WNT1: variants seen among roughly 807,000 people sequenced by gnomAD.
WNT1 encodes proto-oncogene Wnt-1.
Under a neutral mutation model 21.3 loss-of-function variants are expected in WNT1, and 10 were observed. The ratio of observed to expected loss-of-function variants is 0.47; its 90% CI spans 0.29 to 0.80. WNT1 has a LOEUF of 0.80. Among genes scored for constraint, WNT1 ranks in the 30% least tolerant of loss-of-function variants. WNT1 has a pLI of 0.09. For synonymous variants in WNT1, 208 were observed against 236.3 expected (o/e 0.88, Z 1.10); for missense variants, 476 against 534.1 (o/e 0.89, Z 1.07).
At position 48,978,692 on chromosome 12, in the gene WNT1, G is replaced by T; in HGVS notation, c.42G>T (p.Thr14=). The T allele has an allele frequency of 6.2e-7, 1 of 1,603,740 alleles. No individual in the cohort carries two copies. The highest frequency in any genetic ancestry group is 1.1e-5 in the South Asian group (1 of 90,340). Residue 14 remains threonine, a synonymous_variant, in exon 1 of 4, where the codon ACG becomes ACT. Transcript: ENST00000293549. This position sits in a 1 kb window ranked among gnomAD's most constrained non-coding sequence, Gnocchi z 7.4. The part of the protein sequence containing the change: ...WALLPGWVSA[T]LLLALAALPA... ...TGTTGCCTGGCTGGGTTTCTGCTAC[G>T]CTGCTGCTGGCGCTGGCCGCTCTGC... is the stretch of plus-strand genomic sequence containing the variant.
Position 48,979,817 on chromosome 12 carries a change from GCC to G in WNT1, c.358+97_358+98del. The G allele has an allele frequency of 7.0e-7, 1 of 1,433,390 alleles. No homozygotes were observed. Among genetic ancestry groups the G allele is most frequent in the South Asian group, 1.5e-5 (1 of 68,566 alleles). 88.8% of individuals were successfully genotyped at this position (1,433,390 alleles called of 1,614,324 possible). A position where few individuals can be genotyped will look rare whatever the true frequency, so the allele number is the denominator to read the frequency against. On this transcript the variant is annotated intron_variant, in intron 2 of 3. Coordinates refer to ENST00000293549, the MANE Select transcript of WNT1 (RefSeq NM_005430.4). This position sits in a 1 kb window ranked among gnomAD's most constrained non-coding sequence, Gnocchi z 6.0. ...CGAGTTCAGAGAAGGTGTCCCAGGC[GCC>G]TGGAGGGTCACACAATCAACCTTGC...
chr12:48,980,585 A>T lies in WNT1; in HGVS notation c.520A>T (p.Ile174Phe). ...GCACTGGGGGGGCTGCAGCGACAAC[A>T]TTGACTTCGGCCGCCTCTTCGGCCG... ...DWHWGGCSDN[I>F]DFGRLFGREF... The change falls in exon 3 of 4, where the codon ATT becomes TTT. Residue 174 changes from isoleucine (I) to phenylalanine (F), a missense_variant. Ile to Phe is a conservative substitution (Grantham distance 21, BLOSUM62 0). Coordinates refer to ENST00000293549, the MANE Select transcript of WNT1 (RefSeq NM_005430.4). This position sits in a 1 kb window ranked among gnomAD's most constrained non-coding sequence, Gnocchi z 7.0. 2 of 1,606,282 alleles carry T rather than the reference A, an allele frequency of 1.2e-6. No homozygotes were observed. Among genetic ancestry groups the T allele is most frequent in the Non-Finnish European group, 8.5e-7 (1 of 1,176,488 alleles).
In WNT1 at chr12:48,981,065, C is replaced by G; in HGVS notation, c.625-87C>G. The G allele has an allele frequency of 1.3e-6, 2 of 1,541,446 alleles. No homozygotes were observed. Among genetic ancestry groups the G allele is most frequent in the Admixed American group, 3.8e-5 (2 of 52,120 alleles). On this transcript the variant is annotated intron_variant, in intron 3 of 3. Transcript: ENST00000293549. The surrounding 1 kb of genome is among the most constrained non-coding windows in gnomAD (Gnocchi z 7.4). ...GCCTGGGCCTTTGCTGAGGTCCGGC[C>G]CCCGTGGCGTCCGGGAGAGGGCAGT...
chr12:48,980,353 CAAGCCCT>C lies in WNT1; in HGVS notation c.359-70_359-64del. 1 of 1,578,546 alleles carries C rather than the reference CAAGCCCT, an allele frequency of 6.3e-7. No individual in the cohort carries two copies. Among genetic ancestry groups the C allele is most frequent in the South Asian group, 1.1e-5 (1 of 88,342 alleles). On this transcript the variant is annotated intron_variant, in intron 2 of 3. Transcript: ENST00000293549. The surrounding 1 kb of genome is among the most constrained non-coding windows in gnomAD (Gnocchi z 7.0). ...GGAGTCGGGGGTGGGATTCCGGTCC[CAAGCCCT>C]TCATGAGGGTGCTGGCCGCGCCCCG...
chr12:48,978,544 C>G lies in WNT1; in HGVS notation c.-107C>G. On this transcript the variant is annotated 5_prime_UTR_variant, in exon 1 of 4. Transcript: ENST00000293549. The surrounding 1 kb of genome is among the most constrained non-coding windows in gnomAD (Gnocchi z 7.4). The stretch of plus-strand genomic sequence containing the variant: ...CGCCCCCAGGGTTGTTAAAGCCAGA[C>G]TGCGAACTCTCGCCACTGCCGCCAC... 1.2e-6 allele frequency: 1 copy of G among 816,448 alleles called. No individual in the cohort carries two copies. Among genetic ancestry groups the G allele is most frequent in the Non-Finnish European group, 2.0e-6 (1 of 501,660 alleles). 50.6% of individuals were successfully genotyped at this position (816,448 alleles called of 1,614,324 possible).
In WNT1 at chr12:48,981,278, G is replaced by A. The variant is rs1390121162; in HGVS notation, c.751G>A (p.Asp251Asn). ...GGGCGATGTGCTGCGCGACCGCTTC[G>A]ACGGCGCCTCGCGCGTCCTGTACGG... ...AVGDVLRDRF[D>N]GASRVLYGNR... Residue 251 changes from aspartate to asparagine, a missense_variant, in exon 4 of 4, where the codon GAC (aspartate) becomes AAC (asparagine). Asp to Asn is a conservative substitution (Grantham distance 23, BLOSUM62 1). Coordinates refer to ENST00000293549, the MANE Select transcript of WNT1 (RefSeq NM_005430.4). The surrounding 1 kb of genome is among the most constrained non-coding windows in gnomAD (Gnocchi z 7.4). 6.2e-7 allele frequency: 1 copy of A among 1,601,582 alleles called. No homozygotes were observed. Among genetic ancestry groups the A allele is most frequent in the Admixed American group, 1.7e-5 (1 of 58,618 alleles).
chr12:48,980,295 A>T lies in WNT1; in HGVS notation c.359-129A>T. The stretch of plus-strand genomic sequence containing the variant: ...TAGCCCTAGAGACCAGCTTTCCAGC[A>T]CTGCCGGCCCTGGCTCTCAGGACTC... On this transcript the variant is annotated intron_variant, in intron 2 of 3. Coordinates refer to ENST00000293549, the MANE Select transcript of WNT1 (RefSeq NM_005430.4). The surrounding 1 kb of genome is among the most constrained non-coding windows in gnomAD (Gnocchi z 7.0). The T allele has an allele frequency of 9.2e-7, 1 of 1,085,836 alleles. No homozygotes were observed. Among genetic ancestry groups the T allele is most frequent in the East Asian group, 2.6e-5 (1 of 38,928 alleles). 67.3% of individuals were successfully genotyped at this position (1,085,836 alleles called of 1,614,324 possible). A position where few individuals can be genotyped will look rare whatever the true frequency, so the allele number is the denominator to read the frequency against.
Position 48,981,654 on chromosome 12 carries a change from C to G in WNT1, c.*14C>G. On this transcript the variant is annotated 3_prime_UTR_variant, in exon 4 of 4. Coordinates refer to ENST00000293549, the MANE Select transcript of WNT1 (RefSeq NM_005430.4). The surrounding 1 kb of genome is among the most constrained non-coding windows in gnomAD (Gnocchi z 7.4). ...GAGTGTCTGTGAGGCGCTGCGCGGA[C>G]TCGCCCCCAGGAACGCTCTCCTCGA... 7.0e-7 allele frequency: 1 copy of G among 1,429,180 alleles called. No homozygotes were observed. The highest frequency in any genetic ancestry group is 9.1e-7 in the Non-Finnish European group (1 of 1,095,328). The allele number at this position is 1,429,180 out of a possible 1,614,324, so 88.5% of individuals were successfully genotyped here. A position where few individuals can be genotyped will look rare whatever the true frequency, so the allele number is the denominator to read the frequency against.
Position 48,981,520 on chromosome 12 carries a change from C to T in WNT1, c.993C>T (p.Gly331=), listed in dbSNP as rs61942212. The T allele has an allele frequency of 3.2e-6, 5 of 1,546,476 alleles. No individual in the cohort carries two copies. The highest frequency in any genetic ancestry group is 4.4e-6 in the Non-Finnish European group (5 of 1,145,518). ...ACGGCTGCGAGCTGCTCTGCTGCGGCAGGGGCCACCGCACGCGCACGCAGC... is the reference window on the plus strand; with the variant it reads ...ACGGCTGCGAGCTGCTCTGCTGCGGTAGGGGCCACCGCACGCGCACGCAGC... ...ALDGCELLCC[G]RGHRTRTQRV... is the part of the protein sequence containing the mutation. The change falls in exon 4 of 4, where the codon GGC becomes GGT. Residue 331 remains glycine, a synonymous_variant. Coordinates refer to ENST00000293549, the MANE Select transcript of WNT1 (RefSeq NM_005430.4). This position sits in a 1 kb window ranked among gnomAD's most constrained non-coding sequence, Gnocchi z 7.4.
Position 48,981,537 on chromosome 12 carries a change from G to A in WNT1, c.1010G>A (p.Arg337His). The change falls in exon 4 of 4, where the codon CGC becomes CAC. Residue 337 changes from arginine to histidine, a missense_variant. Arg to His is a conservative substitution (Grantham distance 29). Coordinates refer to ENST00000293549, the MANE Select transcript of WNT1 (RefSeq NM_005430.4). This position sits in a 1 kb window ranked among gnomAD's most constrained non-coding sequence, Gnocchi z 7.4. ...LLCCGRGHRT[R>H]TQRVTERCNC... ...TGCTGCGGCAGGGGCCACCGCACGC[G>A]CACGCAGCGCGTCACCGAGCGCTGC... The A allele has an allele frequency of 6.5e-7, 1 of 1,540,282 alleles. No individual in the cohort carries two copies. The highest frequency in any genetic ancestry group is 1.2e-5 in the South Asian group (1 of 83,394).
At position 48,978,613 on chromosome 12, in the gene WNT1, C is replaced by T. The variant is rs766020900; in HGVS notation, c.-38C>T. ...CGTCGCGGGCAACAACCAAAGTCGC[C>T]GCAACTGCAGCACAGAGCGGGCAAA... On this transcript the variant is annotated 5_prime_UTR_variant, in exon 1 of 4. Transcript: ENST00000293549. This position sits in a 1 kb window ranked among gnomAD's most constrained non-coding sequence, Gnocchi z 7.4. The T allele has an allele frequency of 8.8e-6, 13 of 1,485,048 alleles. No homozygotes were observed. The highest frequency in any genetic ancestry group is 1.2e-5 in the Non-Finnish European group (13 of 1,094,686). 92.0% of individuals were successfully genotyped at this position (1,485,048 alleles called of 1,614,324 possible). A position where few individuals can be genotyped will look rare whatever the true frequency, so the allele number is the denominator to read the frequency against.
rs779414153 is a variant in WNT1 at position 48,979,509 on chromosome 12, A to C, written c.146A>C (p.Asp49Ala). The C allele has an allele frequency of 5.6e-6, 9 of 1,613,270 alleles. No homozygotes were observed. Among genetic ancestry groups the C allele is most frequent in the Non-Finnish European group, 7.6e-6 (9 of 1,179,826 alleles). Reference sequence around the variant, plus strand: ...GCCTCCTCCACGAACCTGCTTACAGACTCCAAGAGTCTGCAACTGGTACTC... The same window carrying C: ...GCCTCCTCCACGAACCTGCTTACAGCCTCCAAGAGTCTGCAACTGGTACTC... ...NVASSTNLLT[D>A]SKSLQLVLEP... Residue 49 changes from aspartate (D) to alanine (A), a missense_variant, in exon 2 of 4, where the codon GAC (aspartate) becomes GCC (alanine). By Grantham distance (126) the Asp-to-Ala change is moderately radical (BLOSUM62 -2). Coordinates refer to ENST00000293549, the MANE Select transcript of WNT1 (RefSeq NM_005430.4). The surrounding 1 kb of genome is among the most constrained non-coding windows in gnomAD (Gnocchi z 6.0).
In WNT1 at chr12:48,980,204, A is replaced by C. The variant is rs938097999; in HGVS notation, c.359-220A>C. On this transcript the variant is annotated intron_variant, in intron 2 of 3. Transcript: ENST00000293549. The surrounding 1 kb of genome is among the most constrained non-coding windows in gnomAD (Gnocchi z 7.0). ...CTATCGAGCCAAAATGCGCCCTAGA[A>C]TCTCCCAGTAAGGTGTGATTACGCC... Among the ~76,000 whole-genome samples, 5 of 152,206 alleles carry C rather than the reference A, an allele frequency of 3.3e-5. No homozygotes were observed. Among genetic ancestry groups the C allele is most frequent in the African/African-American group, 9.7e-5 (4 of 41,446 alleles).
chr12:48,979,516 G>A lies in WNT1; in HGVS notation c.153G>A (p.Lys51=), dbSNP rs1248815582. ...ASSTNLLTDS[K]SLQLVLEPSL... ...CCACGAACCTGCTTACAGACTCCAA[G>A]AGTCTGCAACTGGTACTCGAGCCCA... Residue 51 remains lysine, a synonymous_variant, in exon 2 of 4, where the codon AAG becomes AAA. Transcript: ENST00000293549. This position sits in a 1 kb window ranked among gnomAD's most constrained non-coding sequence, Gnocchi z 6.0. The A allele has an allele frequency of 5.0e-6, 8 of 1,613,886 alleles. No individual in the cohort carries two copies. Among genetic ancestry groups the A allele is most frequent in the Non-Finnish European group, 6.8e-6 (8 of 1,180,050 alleles).
At position 48,980,630 on chromosome 12, in the gene WNT1, G is replaced by T. The variant is rs387907355; in HGVS notation, c.565G>T (p.Glu189Ter). 1 of 1,598,966 alleles carries T rather than the reference G, an allele frequency of 6.3e-7. No homozygotes were observed. The highest frequency in any genetic ancestry group is 1.3e-5 in the African/African-American group (1 of 74,570). The stretch of plus-strand genomic sequence containing the variant: ...CGGCCGGGAGTTCGTGGACTCCGGG[G>T]AGAAGGGGCGGGACCTGCGCTTCCT... ...LFGREFVDSG[E>*]KGRDLRFLMN... Residue 189 changes from glutamate (E) to a stop codon, truncating the protein, a stop_gained, in exon 3 of 4, where the codon GAG (glutamate) becomes TAG (stop). Transcript: ENST00000293549. LOFTEE classifies it high-confidence loss of function. The surrounding 1 kb of genome is among the most constrained non-coding windows in gnomAD (Gnocchi z 7.0).
rs1364543794 is a variant in WNT1 at position 48,980,880 on chromosome 12, G to T, written c.624+191G>T. ...CAAAGGTATGTCTGGCCCGCGGACAGGTAGAAGAGGTTGCAAATCAAGCAC... is the reference window on the plus strand; with the variant it reads ...CAAAGGTATGTCTGGCCCGCGGACATGTAGAAGAGGTTGCAAATCAAGCAC... On this transcript the variant is annotated intron_variant, in intron 3 of 3. Transcript: ENST00000293549. The surrounding 1 kb of genome is among the most constrained non-coding windows in gnomAD (Gnocchi z 7.0). 6.6e-6 allele frequency among the ~76,000 whole-genome samples: 1 copy of T among 152,226 alleles called. No individual in the cohort carries two copies. Among genetic ancestry groups the T allele is most frequent in the Non-Finnish European group, 1.5e-5 (1 of 68,032 alleles).
Position 48,978,676 on chromosome 12 carries a change from G to T in WNT1, c.26G>T (p.Gly9Val). 6.2e-7 allele frequency: 1 copy of T among 1,602,602 alleles called. No homozygotes were observed. Reference sequence around the variant, plus strand: ...ATGGGGCTCTGGGCGCTGTTGCCTGGCTGGGTTTCTGCTACGCTGCTGCTG... The same window carrying T: ...ATGGGGCTCTGGGCGCTGTTGCCTGTCTGGGTTTCTGCTACGCTGCTGCTG... MGLWALLPGWVSATLLLAL... is the reference protein window; with the variant it reads MGLWALLPVWVSATLLLAL... Residue 9 changes from glycine to valine, a missense_variant, in exon 1 of 4, where the codon GGC becomes GTC. Physicochemically the swap from Gly to Val is moderately radical, Grantham distance 109. Transcript: ENST00000293549. The surrounding 1 kb of genome is among the most constrained non-coding windows in gnomAD (Gnocchi z 7.4).
chr12:48,978,754 G>A lies in WNT1; in HGVS notation c.104G>A (p.Trp35Ter). 6.3e-7 allele frequency: 1 copy of A among 1,591,986 alleles called. No individual in the cohort carries two copies. The highest frequency in any genetic ancestry group is 8.5e-7 in the Non-Finnish European group (1 of 1,170,698). Reference protein sequence around the residue: ...ALAANSSGRWWGIVNVASSTN... With the variant: ...ALAANSSGRW ...GCTGCCAACAGCAGTGGCCGATGGT[G>A]GTAAGTGAGCTGGTGCGGGGTCGCC... Residue 35 changes from tryptophan to a stop codon, truncating the protein, a stop_gained and splice_region_variant, in exon 1 of 4, where the codon TGG becomes TAG. Coordinates refer to ENST00000293549, the MANE Select transcript of WNT1 (RefSeq NM_005430.4). LOFTEE classifies it high-confidence loss of function. This position sits in a 1 kb window ranked among gnomAD's most constrained non-coding sequence, Gnocchi z 7.4.
Position 48,978,329 on chromosome 12 carries a change from C to T in WNT1, c.-322C>T. ...CCCGTCAGCTCTCGGCTCAGACGGG[C>T]GGGAACCACAGCCCCGCTCGCTGCC... is the stretch of plus-strand genomic sequence containing the variant. On this transcript the variant is annotated 5_prime_UTR_variant, in exon 1 of 4. Coordinates refer to ENST00000293549, the MANE Select transcript of WNT1 (RefSeq NM_005430.4). This position sits in a 1 kb window ranked among gnomAD's most constrained non-coding sequence, Gnocchi z 7.4. 1 of 366,474 alleles carries T rather than the reference C, an allele frequency of 2.7e-6. No homozygotes were observed. Among genetic ancestry groups the T allele is most frequent in the Non-Finnish European group, 5.0e-6 (1 of 199,522 alleles). The allele number at this position is 366,474 out of a possible 1,614,324, so 22.7% of individuals were successfully genotyped here.
Sources: allele counts gnomAD v4.1 joint callset (sites outside exome capture counted in the v4.1 genomes callset), GRCh38; gene constraint gnomAD v4.1.1; non-coding constraint Gnocchi (gnomAD v3.1); transcripts MANE v1.5; gene names NCBI Gene and HGNC (gene_info 2026-07-23, HGNC 2026-07-21).